TRPM3: variants seen among roughly 807,000 people sequenced by gnomAD.
TRPM3 encodes long transient receptor potential channel 3.
In TRPM3, 77 loss-of-function variants were observed where a neutral mutation model predicts 181.2. That is an observed-to-expected ratio of 0.42 (90% CI 0.35 to 0.51). The LOEUF (loss-of-function observed/expected upper bound fraction) is 0.51, where lower values mean the gene tolerates loss of function less well. Among genes scored for constraint, TRPM3 ranks in the 20% least tolerant of loss-of-function variants. The pLI is 0.01. For synonymous variants in TRPM3, 745 were observed against 796.4 expected (o/e 0.94, Z 1.09); for missense variants, 1,759 against 2,196.7 (o/e 0.80, Z 3.98).
intron 1 of TRPM3, among the ~76,000 whole-genome samples, chr9:71,099,054 C>T (rs1054397744): frequency 3.3e-5 from 5 of 152,168 alleles, no homozygotes; most frequent in Admixed American, 3.3e-4. Flanking sequence ...TAGCTGATGT[C>T]TTAGTCCATC....
chr9:71,396,791 A>G (rs973238654), intron 1 of TRPM3, among the ~76,000 whole-genome samples: 1 of 151,678 alleles, frequency 6.6e-6, no homozygotes, highest in African/African-American at 2.4e-5. Context: ...GTGAAACCCC[A>G]TCTCTACTAA....
In TRPM3 at chr9:70,547,142, G is replaced by A. The variant is rs929779188; in HGVS notation, c.3707+2400C>T. Among the ~76,000 whole-genome samples the A allele has an allele frequency of 1.3e-4, 20 of 152,042 alleles. No individual in the cohort carries two copies. The South Asian group carries it at 1.9e-3, about 14-fold the overall frequency. ...CTAAGTCTTTTAGTAGGACAAAAAGGCATCTCTTAATGTTGTTGATTTCAA... is the reference window on the plus strand; with the variant it reads ...CTAAGTCTTTTAGTAGGACAAAAAGACATCTCTTAATGTTGTTGATTTCAA... On this transcript the variant is annotated intron_variant, in intron 25 of 25. Transcript: ENST00000677713.
At position 70,532,317 on chromosome 9, in the gene TRPM3, AAC is replaced by A. The variant is rs1041818661; in HGVS notation, c.*3634_*3635del. On this transcript the variant is annotated 3_prime_UTR_variant, in exon 26 of 26. Coordinates refer to ENST00000677713, the MANE Select transcript of TRPM3 (RefSeq NM_001366145.2). Reference sequence around the variant, plus strand: ...GAATACATTTGAAACATTCAGAAGAAACACATTTTGTGTTTTTATGAGTACAT... The same window carrying A: ...GAATACATTTGAAACATTCAGAAGAAACATTTTGTGTTTTTATGAGTACAT... 8 of 152,232 alleles carry A rather than the reference AAC, an allele frequency of 5.3e-5. No individual in the cohort carries two copies. Among genetic ancestry groups the A allele is most frequent in the African/African-American group, 1.7e-4 (7 of 41,470 alleles). The allele number at this position is 152,232 out of a possible 1,614,324, so 9.4% of individuals were successfully genotyped here. A position where few individuals can be genotyped will look rare whatever the true frequency, so the allele number is the denominator to read the frequency against.
intron 1 of TRPM3, among the ~76,000 whole-genome samples, chr9:71,269,666 G>T (rs1417538816): frequency 6.6e-6 from 1 of 152,206 alleles, no homozygotes; most frequent in Non-Finnish European, 1.5e-5. Flanking sequence ...CGGAGTGAGT[G>T]ATGCCCTACA....
intron 1 of TRPM3, among the ~76,000 whole-genome samples, chr9:71,428,069 C>T (rs1363501098): frequency 1.3e-5 from 2 of 151,892 alleles, no homozygotes; most frequent in African/African-American, 4.8e-5. Context: ...ATCCAGTAGC[C>T]TGTTTTTTTG....
chr9:71,151,576 C>T (rs935389238), intron 1 of TRPM3, among the ~76,000 whole-genome samples: 2 of 151,806 alleles, frequency 1.3e-5, no homozygotes, highest in Admixed American at 6.6e-5. Context: ...ACATGTTGAC[C>T]CAAGGACCTA....
chr9:71,415,931 T>C (rs77145402), intron 1 of TRPM3, among the ~76,000 whole-genome samples: 1 of 151,844 alleles, frequency 6.6e-6, no homozygotes, highest in South Asian at 2.1e-4. Flanking sequence ...GAATGGATGA[T>C]AGAAAAATAT....
rs368709065 is a variant in TRPM3 at position 71,140,950 on chromosome 9, A to T, written c.184-276439T>A. 1.6e-4 allele frequency among the ~76,000 whole-genome samples: 25 copies of T among 152,304 alleles called. No individual in the cohort carries two copies. In the East Asian group the frequency reaches 4.4e-3, roughly 27 times the overall value. ...TCCTGAGCCGGACTCTATTATATTCAAATGTAATTAGTTTCTATTTTCAAA... is the reference window on the plus strand; with the variant it reads ...TCCTGAGCCGGACTCTATTATATTCTAATGTAATTAGTTTCTATTTTCAAA... On this transcript the variant is annotated intron_variant, in intron 1 of 24. Transcript: ENST00000357533.
In TRPM3 at chr9:70,634,411, C is replaced by T. The variant is rs370256763; in HGVS notation, c.1632+800G>A. ...TACAGGCATGAGTCTCTGTGCCTAG[C>T]CTATAATAATAAAATAATAATTCTA... On this transcript the variant is annotated intron_variant, in intron 12 of 25. Transcript: ENST00000677713. Among the ~76,000 whole-genome samples, 8 of 151,868 alleles carry T rather than the reference C, an allele frequency of 5.3e-5. No individual in the cohort carries two copies. The East Asian group carries it at 1.2e-3, about 22-fold the overall frequency.
chr9:71,210,200 G>C (rs1304745931), intron 1 of TRPM3, among the ~76,000 whole-genome samples: 2 of 152,124 alleles, frequency 1.3e-5, no homozygotes, highest in Admixed American at 1.3e-4. Context: ...AACTATACAT[G>C]TGAGGGATCT....
chr9:70,794,345 C>A (rs2086452986), intron 6 of TRPM3, among the ~76,000 whole-genome samples: 1 of 152,116 alleles, frequency 6.6e-6, no homozygotes, highest in African/African-American at 2.4e-5. Flanking sequence ...GGTCTAAGAC[C>A]CAGGGCAGAG....
intron 1 of TRPM3, among the ~76,000 whole-genome samples, chr9:70,967,183 C>T (rs1463478131): frequency 2.0e-5 from 3 of 152,012 alleles, no homozygotes; most frequent in Non-Finnish European, 2.9e-5. Flanking sequence ...AAATGTGGAA[C>T]ATTTTAATTC....
intron 1 of TRPM3, among the ~76,000 whole-genome samples, chr9:71,015,266 C>T (rs2097775580): frequency 1.3e-5 from 2 of 152,206 alleles, no homozygotes; most frequent in Admixed American, 1.3e-4. Context: ...GTCGCTTTGA[C>T]AACTTCTCAT....
intron 1 of TRPM3, among the ~76,000 whole-genome samples, chr9:71,394,100 A>T (rs1229533166): frequency 6.6e-6 from 1 of 152,220 alleles, no homozygotes; most frequent in Non-Finnish European, 1.5e-5. Context: ...AACACTGCTA[A>T]AACACCAGAA....
At chr9:71,189,689 TC>T (rs2077892043) in intron 1 of TRPM3, among the ~76,000 whole-genome samples, 1 of 151,784 alleles carries the variant, frequency 6.6e-6, no homozygotes, top group Non-Finnish European at 1.5e-5. Context: ...TACCTTTTCA[TC>T]CCTCAAGGCC....
At chr9:71,340,928 C>A (rs11142802) in intron 1 of TRPM3, among the ~76,000 whole-genome samples, 135,601 of 152,094 alleles carry the variant, frequency 0.89, 61,223 homozygotes, top group East Asian at 0.97. Flanking sequence ...AGTGCCAAAA[C>A]GCAACAACAA....
chr9:71,438,337 T>G (rs2094079158), intron 1 of TRPM3, among the ~76,000 whole-genome samples: 1 of 151,874 alleles, frequency 6.6e-6, no homozygotes, highest in Non-Finnish European at 1.5e-5. Flanking sequence ...TATTAAGAAG[T>G]TTTTTTTAAA....
intron 25 of TRPM3, among the ~76,000 whole-genome samples, chr9:70,538,837 C>G (rs576952198): frequency 2.0e-5 from 3 of 152,316 alleles, no homozygotes; most frequent in Non-Finnish European, 4.4e-5. Flanking sequence ...TTTCAATTGT[C>G]ACTCAGTCTG....
chr9:71,321,385 C>G (rs1206677741), intron 1 of TRPM3, among the ~76,000 whole-genome samples: 1 of 152,122 alleles, frequency 6.6e-6, no homozygotes, highest in Non-Finnish European at 1.5e-5. Context: ...CAAGTGCAAC[C>G]AAAGTGATTG....
Sources: allele counts gnomAD v4.1 joint callset (sites outside exome capture counted in the v4.1 genomes callset), GRCh38; gene constraint gnomAD v4.1.1; transcripts MANE v1.5; gene names NCBI Gene and HGNC (gene_info 2026-07-23, HGNC 2026-07-21).